The following MRPS5 variants were observed in gnomAD, a reference collection of about 807,000 sequenced individuals.
MRPS5 encodes the protein small ribosomal subunit protein uS5m.
A neutral mutation model predicts 51.9 loss-of-function variants in MRPS5; 27 were observed. That is an observed-to-expected ratio of 0.52 (90% confidence interval 0.38 to 0.72). The LOEUF is 0.72. Ranked by LOEUF, MRPS5 falls within the 30% of genes least tolerant of loss-of-function variation. The probability of loss-of-function intolerance (pLI) is 0.00; values close to 1 mark genes in which losing one functional copy is unlikely to be tolerated. For missense variants in MRPS5, 570 were observed against 545.7 expected (o/e 1.04, Z -0.44); for synonymous variants, 196 against 193.2 (o/e 1.01, Z -0.12).
At position 95,090,593 on chromosome 2, in the gene MRPS5, C is replaced by T. The variant is rs1374524322; in HGVS notation, c.932-71G>A. The T allele has an allele frequency of 1.9e-5, 30 of 1,588,466 alleles. 1 individual carries two copies. The highest frequency in any genetic ancestry group is 1.2e-5 in the Non-Finnish European group (14 of 1,161,724). On this transcript the variant is annotated intron_variant, in intron 10 of 11. Coordinates refer to ENST00000272418, the MANE Select transcript of MRPS5 (RefSeq NM_031902.5). ...CCGGAGGAGTCACCCTGCTGGCTTTCGCATGGCTTCAGGCTCTGGGCTTCG... is the reference window on the plus strand; with the variant it reads ...CCGGAGGAGTCACCCTGCTGGCTTTTGCATGGCTTCAGGCTCTGGGCTTCG...
chr2:95,107,610 A>G (rs1478749509), intron 5 of MRPS5, among the ~76,000 whole-genome samples: 1 of 152,178 alleles, frequency 6.6e-6, no homozygotes, highest in Non-Finnish European at 1.5e-5. Flanking sequence ...AAACTTCTTA[A>G]GAAAGCAGCG....
chr2:95,106,517 G>T, intron 5 of MRPS5, 60 bp from the exon 6 acceptor site: 3 of 1,429,846 alleles, frequency 2.1e-6, no homozygotes, highest in Non-Finnish European at 3.0e-6. Flanking sequence ...TAACATGAAA[G>T]CATTTTCAAC....
Position 95,090,480 on chromosome 2 carries a change from C to T in MRPS5, c.974G>A (p.Arg325Gln), listed in dbSNP as rs768319910. ...RCHRAIITIC[R>Q]LIGIKDMYAK... The stretch of plus-strand genomic sequence containing the variant: ...ATACATGTCTTTGATGCCAATGAGC[C>T]GGCAGATGGTGATGATGGCCCTGTG... Residue 325 changes from arginine to glutamine, a missense_variant, in exon 11 of 12, where the codon CGG becomes CAG. Coordinates refer to ENST00000272418, the MANE Select transcript of MRPS5 (RefSeq NM_031902.5). 3.8e-5 allele frequency: 61 copies of T among 1,614,000 alleles called. No homozygotes were observed. The highest frequency in any genetic ancestry group is 1.3e-4 in the African/African-American group (10 of 74,906).
chr2:95,099,054 G>A lies in MRPS5; in HGVS notation c.931+1420C>T, dbSNP rs377251794. Among the ~76,000 whole-genome samples, 32 of 151,144 alleles carry A rather than the reference G, an allele frequency of 2.1e-4. 1 individual carries two copies. The East Asian group carries it at 2.5e-3, about 12-fold the overall frequency. On this transcript the variant is annotated intron_variant, in intron 10 of 11. Coordinates refer to ENST00000272418, the MANE Select transcript of MRPS5 (RefSeq NM_031902.5). Reference sequence around the variant, plus strand: ...CTGCCTCAGCCTCCCGAGTAGCTGGGACTACAGGCGCCTGCCACTGCGCCC... The same window carrying A: ...CTGCCTCAGCCTCCCGAGTAGCTGGAACTACAGGCGCCTGCCACTGCGCCC...
intron 10 of MRPS5, among the ~76,000 whole-genome samples, chr2:95,097,163 C>G (rs1410267267): frequency 6.6e-6 from 1 of 152,168 alleles, no homozygotes; most frequent in African/African-American, 2.4e-5. Flanking sequence ...AGGAGAACTG[C>G]AAATCACTGC....
intron 10 of MRPS5, among the ~76,000 whole-genome samples, chr2:95,093,843 C>T (rs1292970423): frequency 1.3e-5 from 2 of 152,212 alleles, no homozygotes; most frequent in Non-Finnish European, 2.9e-5. Flanking sequence ...AGGATCCCAG[C>T]TCCTCGCCAG....
Position 95,101,688 on chromosome 2 carries a change from C to CATCCATCCGATCATCAGG in MRPS5, c.798_799insCCTGATGATCGGATGGAT (p.Asp266_Ala267insProAspAspArgMetAsp). On this transcript the variant is annotated inframe_insertion, in exon 8 of 12. Coordinates refer to ENST00000272418, the MANE Select transcript of MRPS5 (RefSeq NM_031902.5). ...AAAAATGTACATACTTTCCTGAAAG[C>CATCCATCCGATCATCAGG]ATCCATCCGATCAGTAGCTTTCCCA... 1 of 1,599,212 alleles carries CATCCATCCGATCATCAGG rather than the reference C, an allele frequency of 6.3e-7. No individual in the cohort carries two copies. Among genetic ancestry groups the CATCCATCCGATCATCAGG allele is most frequent in the Non-Finnish European group, 8.5e-7 (1 of 1,176,280 alleles).
chr2:95,101,400 A>G (rs938855144), intron 8 of MRPS5, among the ~76,000 whole-genome samples: 2 of 152,106 alleles, frequency 1.3e-5, no homozygotes, highest in Admixed American at 6.5e-5. Flanking sequence ...AAAAAAAAAA[A>G]AGTAACAATT....
chr2:95,121,787 G>A lies in MRPS5; in HGVS notation c.5C>T (p.Ala2Val), dbSNP rs1676464420. The change falls in exon 1 of 12, where the codon GCG becomes GTG. Residue 2 changes from alanine to valine, a missense_variant. Physicochemically the swap from Ala to Val is moderately conservative, Grantham distance 64 (BLOSUM62 0). Coordinates refer to ENST00000272418, the MANE Select transcript of MRPS5 (RefSeq NM_031902.5). ...GCAGCCCACAGCGCGCACCGCGGTC[G>A]CCATGCTGGAGTCCGAGCCGCGCCT... M[A>V]TAVRAVGCLP... 2 of 1,548,554 alleles carry A rather than the reference G, an allele frequency of 1.3e-6. No individual in the cohort carries two copies. Among genetic ancestry groups the A allele is most frequent in the East Asian group, 2.5e-5 (1 of 40,548 alleles).
chr2:95,112,160 G>T (rs568981688), intron 3 of MRPS5, among the ~76,000 whole-genome samples: 2 of 152,116 alleles, frequency 1.3e-5, no homozygotes, highest in Non-Finnish European at 2.9e-5. Context: ...CGCCTCCCGG[G>T]TTCAAGAGAT....
At chr2:95,107,409 C>CCCTT (rs1161557789) in intron 5 of MRPS5, among the ~76,000 whole-genome samples, 2 of 152,164 alleles carry the variant, frequency 1.3e-5, no homozygotes, top group Non-Finnish European at 2.9e-5. Flanking sequence ...CTGTGCCCTG[C>CCCTT]CCTTCCTTCT....
intron 10 of MRPS5, among the ~76,000 whole-genome samples, chr2:95,096,309 G>A (rs1488136458): frequency 1.3e-5 from 2 of 152,160 alleles, no homozygotes; most frequent in Non-Finnish European, 2.9e-5. Flanking sequence ...AATAGAAAAA[G>A]AGGGAATCCT....
At chr2:95,120,150 T>C (rs1183512004) in intron 1 of MRPS5, among the ~76,000 whole-genome samples, 3 of 152,116 alleles carry the variant, frequency 2.0e-5, no homozygotes, top group Non-Finnish European at 4.4e-5. Flanking sequence ...ACAAAAACAT[T>C]GCACACAAAT....
At chr2:95,100,566 A>G (rs1675765473) in intron 9 of MRPS5, 30 bp from the exon 10 acceptor site, 1 of 1,528,434 alleles carries the variant, frequency 6.5e-7, no homozygotes, top group Non-Finnish European at 9.1e-7. Context: ...ACACAAGAGG[A>G]TTAGGTGTGT....
At chr2:95,117,030 A>C (rs1178832516) in intron 2 of MRPS5, among the ~76,000 whole-genome samples, 1 of 152,080 alleles carries the variant, frequency 6.6e-6, no homozygotes, top group Non-Finnish European at 1.5e-5. Flanking sequence ...AGTCCCAGCT[A>C]CTCGAGAGGC....
chr2:95,121,649 C>T, intron 1 of MRPS5, 85 bp downstream of exon 1: 1 of 1,437,934 alleles, frequency 7.0e-7, no homozygotes, highest in Non-Finnish European at 9.3e-7. Context: ...TCTCGCTTCC[C>T]TCCGCCCCGA....
At chr2:95,100,224 T>C (rs1413510883) in intron 10 of MRPS5, among the ~76,000 whole-genome samples, 4 of 152,212 alleles carry the variant, frequency 2.6e-5, no homozygotes, top group African/African-American at 9.7e-5. Flanking sequence ...CAGGTGCTAT[T>C]TCCCGTTTCC....
intron 4 of MRPS5, among the ~76,000 whole-genome samples, chr2:95,108,867 T>A (rs934459916): frequency 6.6e-6 from 1 of 152,166 alleles, no homozygotes; most frequent in African/African-American, 2.4e-5. Context: ...TGATATAATC[T>A]AAATTTTTTT....
chr2:95,118,907 T>C (rs1038273410), intron 1 of MRPS5, among the ~76,000 whole-genome samples: 1 of 152,062 alleles, frequency 6.6e-6, no homozygotes, highest in East Asian at 1.9e-4. Flanking sequence ...GAAGAAAACA[T>C]AGGGATAAAT....
Sources: gnomAD v4.1 joint callset for allele counts (sites outside exome capture counted in the v4.1 genomes callset) on GRCh38, gnomAD v4.1.1 for gene constraint, MANE v1.5 for transcripts, NCBI Gene and HGNC (gene_info 2026-07-23, HGNC 2026-07-21) for gene names.